Variants in NUDCD3 observed in about 807,000 individuals in gnomAD.
NUDCD3 encodes the protein nudC domain-containing protein 3.
A neutral mutation model predicts 39.7 loss-of-function variants in NUDCD3; 13 were observed. The ratio of observed to expected loss-of-function variants is 0.33; its 90% confidence interval spans 0.21 to 0.52. The LOEUF is 0.52. NUDCD3 is among the 20% of genes least tolerant of loss of function. The pLI is 0.96. For missense variants in NUDCD3, 453 were observed against 458.1 expected (o/e 0.99, Z 0.10); for synonymous variants, 175 against 172.4 (o/e 1.02, Z -0.12).
At chr7:44,410,013 G>T (rs1454801731) in intron 3 of NUDCD3, among the ~76,000 whole-genome samples, 1 of 152,090 alleles carries the variant, frequency 6.6e-6, no homozygotes, top group Non-Finnish European at 1.5e-5. Context: ...GGAAAAAACA[G>T]TGAAGAAAAA....
Position 44,462,945 on chromosome 7 carries a change from CTGTGTGTGTGTG to C in NUDCD3, c.509+22011_509+22022del, listed in dbSNP as rs3138779. ...GGTTACCAATCAAGACACAACCAGG[CTGTGTGTGTGTG>C]TGTGTGTGTGTGTGTGTGTGTGTGT... On this transcript the variant is annotated intron_variant, in intron 2 of 5. Coordinates refer to ENST00000355451, the MANE Select transcript of NUDCD3 (RefSeq NM_015332.4). Among the ~76,000 whole-genome samples, 181 of 146,790 alleles carry C rather than the reference CTGTGTGTGTGTG, an allele frequency of 1.2e-3. 1 individual carries two copies. The highest frequency in any genetic ancestry group is 3.4e-3 in the Middle Eastern group (1 of 290).
rs747695725 is a variant in NUDCD3 at position 44,385,962 on chromosome 7, G to A, written c.*49C>T. 6.3e-6 allele frequency: 6 copies of A among 945,194 alleles called. No homozygotes were observed. Among genetic ancestry groups the A allele is most frequent in the South Asian group, 2.6e-5 (2 of 77,360 alleles). 58.6% of individuals were successfully genotyped at this position (945,194 alleles called of 1,614,324 possible). A position where few individuals can be genotyped will look rare whatever the true frequency, so the allele number is the denominator to read the frequency against. ...CAGGGAGCCAAGAAGGGCAGCCGAG[G>A]ATAAGGCTCTGCCTCCCCACCGGCG... On this transcript the variant is annotated 3_prime_UTR_variant, in exon 6 of 6. Transcript: ENST00000355451.
At chr7:44,422,195 T>G (rs539495211) in intron 3 of NUDCD3, among the ~76,000 whole-genome samples, 1 of 152,256 alleles carries the variant, frequency 6.6e-6, no homozygotes, top group South Asian at 2.1e-4. Flanking sequence ...GGGAAAGATC[T>G]AAAATTGACA....
intron 2 of NUDCD3, among the ~76,000 whole-genome samples, chr7:44,457,832 A>T (rs1799934227): frequency 6.6e-6 from 1 of 152,256 alleles, no homozygotes; most frequent in African/African-American, 2.4e-5. Context: ...ATCAAAAAAA[A>T]TAGATAAGTT....
At chr7:44,400,633 C>A (rs1441269070) in intron 4 of NUDCD3, among the ~76,000 whole-genome samples, 1 of 152,220 alleles carries the variant, frequency 6.6e-6, no homozygotes, top group Non-Finnish European at 1.5e-5. Context: ...GCCCCATGGG[C>A]CAGAACTCTG....
chr7:44,476,521 A>T (rs1437979385), intron 2 of NUDCD3, among the ~76,000 whole-genome samples: 1 of 152,210 alleles, frequency 6.6e-6, no homozygotes, highest in East Asian at 1.9e-4. Flanking sequence ...TCTATGAACC[A>T]GGAAGTGGGC....
intron 3 of NUDCD3, among the ~76,000 whole-genome samples, chr7:44,413,936 T>A (rs1228214525): frequency 2.0e-5 from 3 of 151,486 alleles, no homozygotes; most frequent in African/African-American, 7.3e-5. Context: ...ACGCTTGTAG[T>A]CCCAGCTGCT....
At position 44,380,618 on chromosome 7, in the gene NUDCD3, TCC is replaced by T. The variant is rs1486613909; in HGVS notation, c.*5391_*5392del. On this transcript the variant is annotated 3_prime_UTR_variant, in exon 6 of 6. Coordinates refer to ENST00000355451, the MANE Select transcript of NUDCD3 (RefSeq NM_015332.4). Reference sequence around the variant, plus strand: ...CTAGGCACACCTGGTAAATGAGGTCTCCACACACTGGGTCATTAGTACCCACA... The same window carrying T: ...CTAGGCACACCTGGTAAATGAGGTCTACACACTGGGTCATTAGTACCCACA... 6.6e-6 allele frequency: 1 copy of T among 152,226 alleles called. No individual in the cohort carries two copies. The highest frequency in any genetic ancestry group is 1.5e-5 in the Non-Finnish European group (1 of 68,058). The allele number at this position is 152,226 out of a possible 1,614,324, so 9.4% of individuals were successfully genotyped here.
intron 2 of NUDCD3, among the ~76,000 whole-genome samples, chr7:44,428,593 T>C (rs559412444): frequency 3.9e-5 from 6 of 152,368 alleles, no homozygotes; most frequent in Admixed American, 1.3e-4. Flanking sequence ...ATAAGCAGTA[T>C]GTTTAATGAG....
chr7:44,438,824 G>A (rs1046527965), intron 2 of NUDCD3, among the ~76,000 whole-genome samples: 3 of 152,172 alleles, frequency 2.0e-5, no homozygotes, highest in African/African-American at 7.2e-5. Flanking sequence ...TCTGTTTTGT[G>A]AAACTGCCAC....
intron 3 of NUDCD3, among the ~76,000 whole-genome samples, chr7:44,422,363 T>G (rs879472108): frequency 4.6e-5 from 7 of 151,854 alleles, no homozygotes; most frequent in African/African-American, 1.2e-4. Context: ...CTGTTTTTTT[T>G]AAAAGATTAA....
At chr7:44,423,637 AAG>A (rs1365479127) in intron 3 of NUDCD3, among the ~76,000 whole-genome samples, 1 of 152,196 alleles carries the variant, frequency 6.6e-6, no homozygotes, top group Non-Finnish European at 1.5e-5. Context: ...TCAAGGAAAT[AAG>A]AGAGGACACA....
chr7:44,455,625 TGA>T (rs1799877009), intron 2 of NUDCD3, among the ~76,000 whole-genome samples: 2 of 152,164 alleles, frequency 1.3e-5, no homozygotes, highest in African/African-American at 4.8e-5. Context: ...AGTGTGTGTG[TGA>T]GTGCATGTGA....
At chr7:44,410,496 A>C (rs1156904761) in intron 3 of NUDCD3, among the ~76,000 whole-genome samples, 1 of 151,888 alleles carries the variant, frequency 6.6e-6, no homozygotes. Context: ...CCCCGTCTCT[A>C]CTAAAAATAC....
chr7:44,452,766 G>T (rs1799818546), intron 2 of NUDCD3, among the ~76,000 whole-genome samples: 1 of 152,240 alleles, frequency 6.6e-6, no homozygotes, highest in Non-Finnish European at 1.5e-5. Flanking sequence ...ACAAGAACCA[G>T]CCATGTGGCT....
intron 5 of NUDCD3, 80 bp downstream of exon 5, chr7:44,392,217 C>T (rs1266552259): frequency 1.4e-6 from 2 of 1,410,066 alleles, no homozygotes; most frequent in Admixed American, 3.8e-5. Context: ...ACCGTCATCA[C>T]CAACCCCTCT....
Position 44,490,529 on chromosome 7 carries a change from C to A in NUDCD3, c.72G>T (p.Gln24His). ...LGILQHVGNV[Q>H]DFLRVLFGFL... ...AGCCAAAGAGAACGCGCAGGAAATC[C>A]TGGACGTTGCCCACGTGCTGCAGGA... Residue 24 changes from glutamine (Q) to histidine (H), a missense_variant, in exon 1 of 6, where the codon CAG (glutamine) becomes CAT (histidine). Transcript: ENST00000355451. 1.2e-6 allele frequency: 2 copies of A among 1,612,270 alleles called. No homozygotes were observed. The highest frequency in any genetic ancestry group is 1.7e-6 in the Non-Finnish European group (2 of 1,179,260).
At chr7:44,388,699 G>A (rs1032210957) in intron 5 of NUDCD3, among the ~76,000 whole-genome samples, 2 of 152,220 alleles carry the variant, frequency 1.3e-5, no homozygotes, top group Admixed American at 1.3e-4. Flanking sequence ...AGAGCTGGAG[G>A]CTCCCTGGCT....
At chr7:44,468,618 C>A (rs901061017) in intron 2 of NUDCD3, among the ~76,000 whole-genome samples, 2 of 152,156 alleles carry the variant, frequency 1.3e-5, no homozygotes, top group African/African-American at 2.4e-5. Flanking sequence ...CCTTGCTCAT[C>A]CACTGGGAGA....
Sources: allele counts gnomAD v4.1 joint callset (sites outside exome capture counted in the v4.1 genomes callset), GRCh38; gene constraint gnomAD v4.1.1; transcripts MANE v1.5; gene names NCBI Gene and HGNC (gene_info 2026-07-23, HGNC 2026-07-21).